The following ACTN1 variants were observed in gnomAD, a reference collection of about 807,000 sequenced individuals.
ACTN1 encodes alpha-actinin-1.
Under a neutral mutation model 119.6 loss-of-function variants are expected in ACTN1, and 30 were observed. The ratio of observed to expected loss-of-function variants is 0.25; its 90% CI spans 0.19 to 0.34. The LOEUF is 0.34. ACTN1 is among the 10% of genes least tolerant of loss of function. The pLI is 1.00. For missense variants in ACTN1, 764 were observed against 1,223.4 expected (o/e 0.62, Z 5.60); for synonymous variants, 429 against 472.6 (o/e 0.91, Z 1.20).
At position 68,909,887 on chromosome 14, in the gene ACTN1, A is replaced by AG. The variant is rs2033897432; in HGVS notation, c.515+67dup. On this transcript the variant is annotated intron_variant, in intron 5 of 21. Coordinates refer to ENST00000394419, the MANE Select transcript of ACTN1 (RefSeq NM_001130004.2). The surrounding 1 kb of genome is among the most constrained non-coding windows in gnomAD (Gnocchi z 4.1). ...TCTAAAGCTGAGACTGACCCAGCCAAGGGGGTCTGGGAGCTCCCGGGGGAG... is the reference window on the plus strand; with the variant it reads ...TCTAAAGCTGAGACTGACCCAGCCAAGGGGGGTCTGGGAGCTCCCGGGGGAG... 2.9e-6 allele frequency: 4 copies of AG among 1,379,426 alleles called. No individual in the cohort carries two copies. The African/African-American group carries it at 4.3e-5, about 15-fold the overall frequency. 85.4% of individuals were successfully genotyped at this position (1,379,426 alleles called of 1,614,324 possible).
Position 68,884,808 on chromosome 14 carries a change from C to A in ACTN1, c.1461G>T (p.Gly487=). 3.1e-6 allele frequency: 5 copies of A among 1,614,148 alleles called. No individual in the cohort carries two copies. Among genetic ancestry groups the A allele is most frequent in the Non-Finnish European group, 4.2e-6 (5 of 1,179,984 alleles). Residue 487 remains glycine, a synonymous_variant, in exon 13 of 22, where the codon GGG becomes GGT. Transcript: ENST00000394419. ...QKICDQWDNL[G]ALTQKRREAL... Reference sequence around the variant, plus strand: ...CTTCCCTTCGCTTCTGAGTTAGGGCCCCCAGATTGTCCCACTGGTCACAGA... The same window carrying A: ...CTTCCCTTCGCTTCTGAGTTAGGGCACCCAGATTGTCCCACTGGTCACAGA...
chr14:68,875,127 A>AT lies in ACTN1; in HGVS notation c.2587-111dup, dbSNP rs200240249. The AT allele has an allele frequency of 1.4e-3, 2,141 of 1,550,722 alleles. 34 individuals are homozygous for AT. In the African/African-American group the frequency reaches 0.026, roughly 18 times the overall value. On this transcript the variant is annotated intron_variant, in intron 21 of 21. Coordinates refer to ENST00000394419, the MANE Select transcript of ACTN1 (RefSeq NM_001130004.2). ...CGTGAAGGCAGCATGTGCCGTTTGC[A>AT]TTTTGCCTCCCTCCTGTAACTACAG... is the stretch of plus-strand genomic sequence containing the variant.
At chr14:68,894,835 A>G (rs2032758354) in intron 8 of ACTN1, among the ~76,000 whole-genome samples, 1 of 152,218 alleles carries the variant, frequency 6.6e-6, no homozygotes, top group South Asian at 2.1e-4. Context: ...TTGATGAACA[A>G]GACAAAACAG....
At position 68,936,532 on chromosome 14, in the gene ACTN1, A is replaced by G. The variant is rs537096153; in HGVS notation, c.106-10860T>C. ...TTTTTTTTAAGTATGCAAATAAAAG[A>G]ACAGTCTGTCTAGGGGGTGGCGGGA... On this transcript the variant is annotated intron_variant, in intron 1 of 21. Coordinates refer to ENST00000394419, the MANE Select transcript of ACTN1 (RefSeq NM_001130004.2). The G allele has an allele frequency of 1.1e-3, 349 of 314,546 alleles. 12 individuals carry two copies. The South Asian group carries it at 0.018, about 16-fold the overall frequency. 19.5% of individuals were successfully genotyped at this position (314,546 alleles called of 1,614,324 possible).
In ACTN1 at chr14:68,979,203, GC is replaced by G. The variant is rs1278581763; in HGVS notation, c.-148del. On this transcript the variant is annotated 5_prime_UTR_variant, in exon 1 of 22. Transcript: ENST00000394419. ...CTCCCCTGCGCCCGGTTCCGCCGCG[GC>G]GCTGCTGGCGAAGGCTGCTACTGGC... The G allele has an allele frequency of 2.0e-6, 1 of 500,994 alleles. No individual in the cohort carries two copies. The highest frequency in any genetic ancestry group is 2.1e-5 in the African/African-American group (1 of 48,618). The allele number at this position is 500,994 out of a possible 1,614,324, so 31.0% of individuals were successfully genotyped here.
chr14:68,893,772 C>A (rs370700845), intron 8 of ACTN1, 25 bp from the exon 9 acceptor site: 3 of 1,611,194 alleles, frequency 1.9e-6, no homozygotes, highest in Admixed American at 1.7e-5. Context: ...GAGAGAGTCA[C>A]GACCAGCCAG....
At chr14:68,958,591 T>C (rs1045467978) in intron 1 of ACTN1, among the ~76,000 whole-genome samples, 23 of 151,552 alleles carry the variant, frequency 1.5e-4, no homozygotes, top group African/African-American at 5.3e-4. Context: ...GGAAAAGGAC[T>C]CAGAAATGAT....
intron 8 of ACTN1, among the ~76,000 whole-genome samples, chr14:68,894,884 G>C (rs1410373777): frequency 6.6e-6 from 1 of 152,206 alleles, no homozygotes. Flanking sequence ...CTGGTTGTAA[G>C]GAAGAGCTTC....
intron 3 of ACTN1, among the ~76,000 whole-genome samples, chr14:68,916,145 A>C (rs1481440251): frequency 6.6e-6 from 1 of 152,246 alleles, no homozygotes; most frequent in Non-Finnish European, 1.5e-5. Flanking sequence ...TTAAAATATA[A>C]GGGAAAAATT....
chr14:68,911,290 G>T (rs12434476), intron 4 of ACTN1, among the ~76,000 whole-genome samples: 27,028 of 152,166 alleles, frequency 0.18, 3,248 homozygotes, highest in East Asian at 0.63. Flanking sequence ...CCACCCAAAA[G>T]AATCAAAATC....
intron 9 of ACTN1, among the ~76,000 whole-genome samples, chr14:68,892,919 C>T (rs1043292053): frequency 9.2e-5 from 14 of 152,110 alleles, no homozygotes; most frequent in Admixed American, 2.6e-4. Context: ...ATCTGAATCA[C>T]CACAGAAACA....
intron 4 of ACTN1, among the ~76,000 whole-genome samples, chr14:68,910,408 T>C (rs571958727): frequency 2.6e-5 from 4 of 152,222 alleles, no homozygotes; most frequent in African/African-American, 9.6e-5. Flanking sequence ...AATCTACACA[T>C]CTAGGGGTCT....
Position 68,874,589 on chromosome 14 carries a change from C to CT in ACTN1, c.*269dup, listed in dbSNP as rs757804466. On this transcript the variant is annotated 3_prime_UTR_variant, in exon 22 of 22. Coordinates refer to ENST00000394419, the MANE Select transcript of ACTN1 (RefSeq NM_001130004.2). ...TCGGTGCAAATAGTTAATCTTTCCT[C>CT]TTTTTTTCCATTTGTCTGGTGGAGA... The CT allele has an allele frequency of 1.9e-5, 6 of 322,566 alleles. No individual in the cohort carries two copies. The highest frequency in any genetic ancestry group is 2.8e-5 in the Non-Finnish European group (5 of 179,288). The allele number at this position is 322,566 out of a possible 1,614,324, so 20.0% of individuals were successfully genotyped here.
At chr14:68,978,908 G>A (rs775519960) in intron 1 of ACTN1, 44 bp downstream of exon 1, 1 of 1,365,184 alleles carries the variant, frequency 7.3e-7, no homozygotes, top group Non-Finnish European at 1.0e-6. Flanking sequence ...TCGGGGCTGG[G>A]GGCTGGGGGC....
At chr14:68,977,595 A>C in intron 1 of ACTN1, 1 of 261,398 alleles carries the variant, frequency 3.8e-6, no homozygotes. Flanking sequence ...TGATGAAGTG[A>C]GTAAAAGGGC....
chr14:68,874,736 G>T lies in ACTN1; in HGVS notation c.*123C>A. 2.0e-6 allele frequency: 2 copies of T among 1,002,624 alleles called. No individual in the cohort carries two copies. The highest frequency in any genetic ancestry group is 2.7e-6 in the Non-Finnish European group (2 of 739,442). 62.1% of individuals were successfully genotyped at this position (1,002,624 alleles called of 1,614,324 possible). ...CGCGGGCAGGGAGGATCGATGCCAC[G>T]TGGGCCCCAGCTCACCCGGGTGGAG... On this transcript the variant is annotated 3_prime_UTR_variant, in exon 22 of 22. Transcript: ENST00000394419.
chr14:68,964,368 T>G (rs1159246208), intron 1 of ACTN1, among the ~76,000 whole-genome samples: 1 of 152,158 alleles, frequency 6.6e-6, no homozygotes, highest in East Asian at 1.9e-4. Context: ...GGGACTTCAG[T>G]CTCCACGACC....
Position 68,925,750 on chromosome 14 carries a change from AG to A in ACTN1, c.106-79del. On this transcript the variant is annotated intron_variant, in intron 1 of 21. Transcript: ENST00000394419. This position sits in a 1 kb window ranked among gnomAD's most constrained non-coding sequence, Gnocchi z 4.3. ...ATTGGACAAGCCATTTAATGGTGCC[AG>A]GGGGTGGGAGGTGGACACCTACTCA... 8.6e-7 allele frequency: 1 copy of A among 1,162,774 alleles called. No homozygotes were observed. Among genetic ancestry groups the A allele is most frequent in the Non-Finnish European group, 1.2e-6 (1 of 802,080 alleles). The allele number at this position is 1,162,774 out of a possible 1,614,324, so 72.0% of individuals were successfully genotyped here. A position where few individuals can be genotyped will look rare whatever the true frequency, so the allele number is the denominator to read the frequency against.
intron 16 of ACTN1, among the ~76,000 whole-genome samples, chr14:68,881,362 T>A (rs2031491605): frequency 6.6e-6 from 1 of 152,114 alleles, no homozygotes; most frequent in Admixed American, 6.6e-5. Context: ...ACCAGGATCC[T>A]CGTAGCCTCG....
Sources: allele counts gnomAD v4.1 joint callset (sites outside exome capture counted in the v4.1 genomes callset), GRCh38; gene constraint gnomAD v4.1.1; non-coding constraint Gnocchi (gnomAD v3.1); transcripts MANE v1.5; gene names NCBI Gene and HGNC (gene_info 2026-07-23, HGNC 2026-07-21).